ADGRL1: variants seen among roughly 807,000 people sequenced by gnomAD.
ADGRL1 encodes the protein CIRL-1.
Under a neutral mutation model 148.9 loss-of-function variants are expected in ADGRL1, and 31 were observed. That is an observed-to-expected ratio of 0.21 (90% CI 0.16 to 0.28). ADGRL1 has a LOEUF of 0.28. Among genes scored for constraint, ADGRL1 ranks in the 10% least tolerant of loss-of-function variants. The pLI is 1.00. For missense variants in ADGRL1, 1,521 were observed against 2,058.8 expected, an observed-to-expected ratio of 0.74 and a Z score of 5.05; for synonymous variants, 937 against 900.3, an observed-to-expected ratio of 1.04 and a Z score of -0.73.
chr19:14,151,742 GC>G (rs1968220655), intron 22 of ADGRL1, 127 bp from the exon 23 acceptor site: 1 of 894,016 alleles, frequency 1.1e-6, no homozygotes, highest in Non-Finnish European at 1.7e-6. Flanking sequence ...GCTTCCCCCT[GC>G]CCCCTGGATC....
rs1336393996 is a variant in ADGRL1 at position 14,160,183 on chromosome 19, C to A, written c.1729G>T (p.Asp577Tyr). ...GCCTGCAGCTGGGCATCCAGGATGT[C>A]CAGCAGCTGCTCCATCAGCTTCACA... ...SSVKLMEQLL[D>Y]ILDAQLQALR... The change falls in exon 8 of 23, where the codon GAC becomes TAC. Residue 577 changes from aspartate (D) to tyrosine (Y), a missense_variant. Coordinates refer to ENST00000361434, the MANE Select transcript of ADGRL1 (RefSeq NM_014921.5). The surrounding 1 kb of genome is among the most constrained non-coding windows in gnomAD (Gnocchi z 5.9). The A allele has an allele frequency of 6.3e-7, 1 of 1,598,806 alleles. No individual in the cohort carries two copies. The highest frequency in any genetic ancestry group is 1.1e-5 in the South Asian group (1 of 90,800).
At chr19:14,202,821 C>T (rs1331696913) in intron 1 of ADGRL1, among the ~76,000 whole-genome samples, 1 of 152,022 alleles carries the variant, frequency 6.6e-6, no homozygotes, top group Non-Finnish European at 1.5e-5. Flanking sequence ...GCATGACCAC[C>T]CCCTCTGCAA....
At chr19:14,156,812 G>T in intron 15 of ADGRL1, 88 bp from the exon 16 acceptor site, 1 of 1,523,046 alleles carries the variant, frequency 6.6e-7, no homozygotes. Context: ...GCAGGCTGCA[G>T]CCTCTGGGAT....
rs1411431908 is a variant in ADGRL1 at position 14,195,391 on chromosome 19, C to CCTCTAGCCTG, written c.-96+10584_-96+10593dup. ...AGCGGCTGCTGGGGGAGAGGGGGCG[C>CCTCTAGCCTG]CTCTAGCCTGCCCTAGCCTGCAGTT... is the stretch of plus-strand genomic sequence containing the variant. On this transcript the variant is annotated intron_variant, in intron 1 of 22. Transcript: ENST00000361434. 1.1e-4 allele frequency among the ~76,000 whole-genome samples: 16 copies of CCTCTAGCCTG among 150,188 alleles called. No homozygotes were observed. The South Asian group carries it at 3.1e-3, about 29-fold the overall frequency.
intron 2 of ADGRL1, among the ~76,000 whole-genome samples, chr19:14,180,461 G>A (rs1971114512): frequency 6.6e-6 from 1 of 151,876 alleles, no homozygotes; most frequent in African/African-American, 2.4e-5. Flanking sequence ...TTGCCATGTT[G>A]GCCAGGCTGG....
At chr19:14,195,737 G>C (rs1234944112) in intron 1 of ADGRL1, among the ~76,000 whole-genome samples, 2 of 152,178 alleles carry the variant, frequency 1.3e-5, no homozygotes, top group Non-Finnish European at 1.5e-5. Context: ...CTGCTGTGTA[G>C]CTTCAGAGCA....
At chr19:14,194,071 A>C (rs1972110258) in intron 1 of ADGRL1, among the ~76,000 whole-genome samples, 1 of 152,224 alleles carries the variant, frequency 6.6e-6, no homozygotes, top group Non-Finnish European at 1.5e-5. Flanking sequence ...GTGAGACCCC[A>C]GCTCTACAAA....
chr19:14,169,194 AG>A (rs954455891), intron 4 of ADGRL1: 7 of 152,254 alleles, frequency 4.6e-5, no homozygotes, highest in African/African-American at 1.7e-4. Context: ...GCCCTTGGGA[AG>A]TTTACACTCG....
chr19:14,156,534 A>G, intron 16 of ADGRL1, 124 bp downstream of exon 16: 1 of 654,146 alleles, frequency 1.5e-6, no homozygotes, highest in Admixed American at 2.8e-5. Context: ...CTCAGTTCCG[A>G]TGTGTGGAGA....
chr19:14,157,191 C>T lies in ADGRL1; in HGVS notation c.2746-46G>A. On this transcript the variant is annotated intron_variant, in intron 14 of 22. Transcript: ENST00000361434. This position sits in a 1 kb window ranked among gnomAD's most constrained non-coding sequence, Gnocchi z 7.5. ...GAGGGGCTGCTGCCTGGACAGGTGT[C>T]CCCCTTCTTCTCCCGGCCCCCAGGC... 3.1e-6 allele frequency: 5 copies of T among 1,613,004 alleles called. No individual in the cohort carries two copies. In the South Asian group the frequency reaches 4.4e-5, roughly 14 times the overall value.
At position 14,156,099 on chromosome 19, in the gene ADGRL1, G is replaced by A; in HGVS notation, c.3125+11C>T. Reference sequence around the variant, plus strand: ...GTGATGGGGCAGGGGGCAGGCAGGGGCGAGGCTCACTTAATGTTGTCCAGG... The same window carrying A: ...GTGATGGGGCAGGGGGCAGGCAGGGACGAGGCTCACTTAATGTTGTCCAGG... On this transcript the variant is annotated intron_variant, in intron 17 of 22. Coordinates refer to ENST00000361434, the MANE Select transcript of ADGRL1 (RefSeq NM_014921.5). The A allele has an allele frequency of 1.2e-6, 2 of 1,604,516 alleles. No individual in the cohort carries two copies. The highest frequency in any genetic ancestry group is 1.7e-6 in the Non-Finnish European group (2 of 1,176,882).
rs1460232746 is a variant in ADGRL1 at position 14,161,598 on chromosome 19, C to T, written c.1224G>A (p.Thr408=). ...GGGGCGTGGGCCTGGCTGTGGTGGT[C>T]GTGCTGAGGGGTGGGGAAGTGGCTG... is the stretch of plus-strand genomic sequence containing the variant. The part of the protein sequence containing the change: ...AGPATSPPLS[T]TTTARPTPLT... The change falls in exon 6 of 23, where the codon ACG becomes ACA. Residue 408 remains threonine, a synonymous_variant. Transcript: ENST00000361434. This position sits in a 1 kb window ranked among gnomAD's most constrained non-coding sequence, Gnocchi z 4.4. 1.4e-5 allele frequency: 20 copies of T among 1,418,042 alleles called. No homozygotes were observed. The highest frequency in any genetic ancestry group is 2.2e-4 in the Middle Eastern group (1 of 4,478). The allele number at this position is 1,418,042 out of a possible 1,614,324, so 87.8% of individuals were successfully genotyped here. A position where few individuals can be genotyped will look rare whatever the true frequency, so the allele number is the denominator to read the frequency against.
At position 14,159,544 on chromosome 19, in the gene ADGRL1, G is replaced by A; in HGVS notation, c.1880C>T (p.Ala627Val). Residue 627 changes from alanine (A) to valine (V), a missense_variant, in exon 10 of 23, where the codon GCT (alanine) becomes GTT (valine). By Grantham distance (64) the Ala-to-Val change is moderately conservative. Coordinates refer to ENST00000361434, the MANE Select transcript of ADGRL1 (RefSeq NM_014921.5). This position sits in a 1 kb window ranked among gnomAD's most constrained non-coding sequence, Gnocchi z 6.0. ...ETVDNLLRPEALESWKDMNAT... is the reference protein window; with the variant it reads ...ETVDNLLRPEVLESWKDMNAT... The stretch of plus-strand genomic sequence containing the variant: ...ATTCATGTCCTTCCAGGACTCCAGA[G>A]CTTCTGGCCGGAGCAGATTGTCCAC... The A allele has an allele frequency of 6.2e-7, 1 of 1,606,948 alleles. No homozygotes were observed. The highest frequency in any genetic ancestry group is 8.5e-7 in the Non-Finnish European group (1 of 1,174,868).
intron 2 of ADGRL1, among the ~76,000 whole-genome samples, chr19:14,183,191 C>CAGAGAG (rs1455973222): frequency 1.3e-5 from 1 of 79,098 alleles, no homozygotes; most frequent in African/African-American, 4.0e-5. Context: ...AAGATGTAAT[C>CAGAGAG]ACAGAGAGAG....
At chr19:14,180,474 T>C (rs1971115995) in intron 2 of ADGRL1, among the ~76,000 whole-genome samples, 1 of 152,078 alleles carries the variant, frequency 6.6e-6, no homozygotes, top group Non-Finnish European at 1.5e-5. Flanking sequence ...CAGGCTGGTC[T>C]CAAACTCCTG....
intron 1 of ADGRL1, among the ~76,000 whole-genome samples, chr19:14,198,587 G>A (rs977385097): frequency 2.0e-5 from 3 of 151,972 alleles, no homozygotes; most frequent in Middle Eastern, 3.2e-3. Context: ...GGATCCTGAC[G>A]CAAACCCCCT....
In ADGRL1 at chr19:14,160,090, C is replaced by T. The variant is rs781744377; in HGVS notation, c.1800+22G>A. ...GGCAGGCGCCCTCCCCATACCAGGT[C>T]AGCGCCACCGCCAGGCCCCACCTTG... On this transcript the variant is annotated intron_variant, in intron 8 of 22. Transcript: ENST00000361434. The surrounding 1 kb of genome is among the most constrained non-coding windows in gnomAD (Gnocchi z 5.9). 6.4e-7 allele frequency: 1 copy of T among 1,559,312 alleles called. No individual in the cohort carries two copies. Among genetic ancestry groups the T allele is most frequent in the South Asian group, 1.2e-5 (1 of 85,968 alleles).
In ADGRL1 at chr19:14,160,425, T is replaced by A; in HGVS notation, c.1615-128A>T. 1.0e-6 allele frequency: 1 copy of A among 970,766 alleles called. No homozygotes were observed. The highest frequency in any genetic ancestry group is 1.5e-6 in the Non-Finnish European group (1 of 664,160). The allele number at this position is 970,766 out of a possible 1,614,324, so 60.1% of individuals were successfully genotyped here. ...CACTTCCCCATCGCCATCTGCCCCT[T>A]CCCACCCCATCTGTCCCTGCTCCCT... On this transcript the variant is annotated intron_variant, in intron 7 of 22. Coordinates refer to ENST00000361434, the MANE Select transcript of ADGRL1 (RefSeq NM_014921.5). The surrounding 1 kb of genome is among the most constrained non-coding windows in gnomAD (Gnocchi z 5.9).
At chr19:14,188,777 T>C (rs2040756743) in intron 1 of ADGRL1, among the ~76,000 whole-genome samples, 2 of 152,108 alleles carry the variant, frequency 1.3e-5, no homozygotes, top group African/African-American at 4.8e-5. Context: ...ACCACCTCCT[T>C]TTTTTTCTTT....
Sources: allele counts gnomAD v4.1 joint callset (sites outside exome capture counted in the v4.1 genomes callset), GRCh38; gene constraint gnomAD v4.1.1; non-coding constraint Gnocchi (gnomAD v3.1); transcripts MANE v1.5; gene names NCBI Gene and HGNC (gene_info 2026-07-23, HGNC 2026-07-21).